SIAH1: variants seen among roughly 807,000 people sequenced by gnomAD.
SIAH1 encodes the protein E3 ubiquitin-protein ligase SIAH1.
SIAH1 carries 2 observed loss-of-function variants against 20.0 expected under a neutral mutation model. The ratio of observed to expected loss-of-function variants is 0.10; its 90% CI spans 0.04 to 0.31. The LOEUF (loss-of-function observed/expected upper bound fraction) is 0.31, where lower values mean the gene tolerates loss of function less well. Ranked by LOEUF, SIAH1 falls within the 10% of genes least tolerant of loss-of-function variation. The probability of loss-of-function intolerance (pLI) is 1.00; values close to 1 mark genes in which losing one functional copy is unlikely to be tolerated. For synonymous variants in SIAH1, 118 were observed against 125.3 expected, an observed-to-expected ratio of 0.94 and a Z score of 0.39; for missense variants, 119 against 355.3, an observed-to-expected ratio of 0.33 and a Z score of 5.35.
At chr16:48,377,273 C>CA (rs1010679532) in intron 1 of SIAH1, among the ~76,000 whole-genome samples, 64 of 150,514 alleles carry the variant, frequency 4.3e-4, no homozygotes, top group Admixed American at 2.4e-3. Flanking sequence ...CAAAACAAAA[C>CA]AAAAAAAACA....
chr16:48,386,721 T>C (rs1961475704), upstream of SIAH1, among the ~76,000 whole-genome samples: 1 of 152,156 alleles, frequency 6.6e-6, no homozygotes, highest in African/African-American at 2.4e-5. Flanking sequence ...AGTTTAGAGG[T>C]AAATTTTCCA....
chr16:48,381,901 A>C (rs1363483971), intron 1 of SIAH1, among the ~76,000 whole-genome samples: 1 of 152,180 alleles, frequency 6.6e-6, no homozygotes, highest in Non-Finnish European at 1.5e-5. Flanking sequence ...AATTGTAACA[A>C]ACGTACCACT....
intron 1 of SIAH1, among the ~76,000 whole-genome samples, chr16:48,380,406 T>A (rs1597033154): frequency 1.3e-5 from 2 of 151,614 alleles, no homozygotes; most frequent in Admixed American, 1.3e-4. Context: ...TTAGCTGAGT[T>A]GGCGCCACCG....
chr16:48,381,342 C>CA (rs1049271558), intron 1 of SIAH1, among the ~76,000 whole-genome samples: 57 of 152,070 alleles, frequency 3.7e-4, no homozygotes, highest in Non-Finnish European at 6.6e-4. Flanking sequence ...GAGACTGTCT[C>CA]AAAAAAACAG....
chr16:48,385,941 G>A (rs1244936670), upstream of SIAH1, among the ~76,000 whole-genome samples: 1 of 152,142 alleles, frequency 6.6e-6, no homozygotes. Context: ...CCCCTAAAGA[G>A]AGTCCCAGCC....
At chr16:48,378,268 G>A (rs1281464536) in intron 1 of SIAH1, among the ~76,000 whole-genome samples, 5 of 152,164 alleles carry the variant, frequency 3.3e-5, no homozygotes, top group African/African-American at 4.8e-5. Context: ...CAGGAGAATC[G>A]CTTGAACCCG....
Position 48,367,171 on chromosome 16 carries a change from C to A in SIAH1, c.-2-4741G>T, listed in dbSNP as rs1042754038. 2.0e-5 allele frequency among the ~76,000 whole-genome samples: 3 copies of A among 152,306 alleles called. No individual in the cohort carries two copies. The East Asian group carries it at 5.8e-4, about 29-fold the overall frequency. The stretch of plus-strand genomic sequence containing the variant: ...TGCCTTGGCCTCCCAAAGTGCTGAG[C>A]CACTGTGCCCAGTCTATATTTTTAT... On this transcript the variant is annotated intron_variant, in intron 1 of 1. Transcript: ENST00000394725.
chr16:48,373,517 T>C (rs1359969276), intron 1 of SIAH1, among the ~76,000 whole-genome samples: 1 of 152,170 alleles, frequency 6.6e-6, no homozygotes, highest in Non-Finnish European at 1.5e-5. Context: ...CCCTTCAAAA[T>C]GTATTCAGAA....
At position 48,361,476 on chromosome 16, in the gene SIAH1, G is replaced by C. The variant is rs760411925; in HGVS notation, c.*104C>G. ...CTTTTTATTTACCTTCATGTGTCTAGCTTCCACCTACCGAAAGAGTTTTAG... is the reference window on the plus strand; with the variant it reads ...CTTTTTATTTACCTTCATGTGTCTACCTTCCACCTACCGAAAGAGTTTTAG... On this transcript the variant is annotated 3_prime_UTR_variant, in exon 2 of 2. Coordinates refer to ENST00000394725, the MANE Select transcript of SIAH1 (RefSeq NM_003031.4). The C allele has an allele frequency of 5.3e-6, 6 of 1,127,042 alleles. No homozygotes were observed. Among genetic ancestry groups the C allele is most frequent in the Admixed American group, 1.8e-5 (1 of 56,750 alleles). 69.8% of individuals were successfully genotyped at this position (1,127,042 alleles called of 1,614,324 possible). A position where few individuals can be genotyped will look rare whatever the true frequency, so the allele number is the denominator to read the frequency against.
chr16:48,361,835 T>C lies in SIAH1; in HGVS notation c.594A>G (p.Lys198=), dbSNP rs1256429400. 1 of 1,614,198 alleles carries C rather than the reference T, an allele frequency of 6.2e-7. No individual in the cohort carries two copies. The highest frequency in any genetic ancestry group is 1.7e-5 in the Admixed American group (1 of 60,026). The part of the protein sequence containing the change: ...HFMLVLEKQE[K]YDGHQQFFAI... ...CGAAGAACTGCTGGTGACCATCGTA[T>C]TTTTCCTGTTTCTCTAAGACTAACA... Residue 198 remains lysine (K), a synonymous_variant, in exon 2 of 2, where the codon AAA becomes AAG. Transcript: ENST00000394725.
intron 1 of SIAH1, among the ~76,000 whole-genome samples, chr16:48,368,190 G>GAC (rs1960889360): frequency 6.6e-6 from 1 of 152,120 alleles, no homozygotes; most frequent in Non-Finnish European, 1.5e-5. Flanking sequence ...ATAGAACACA[G>GAC]ACGTGAGGGA....
chr16:48,365,589 T>C (rs755370865), intron 1 of SIAH1: 218 of 1,484,204 alleles, frequency 1.5e-4, no homozygotes, highest in Admixed American at 3.7e-4. Context: ...GAGGTCAGGA[T>C]CCAAATACCA....
At position 48,362,258 on chromosome 16, in the gene SIAH1, A is replaced by G; in HGVS notation, c.171T>C (p.Ser57=). 1 of 1,614,198 alleles carries G rather than the reference A, an allele frequency of 6.2e-7. No homozygotes were observed. The highest frequency in any genetic ancestry group is 1.1e-5 in the South Asian group (1 of 91,088). Residue 57 remains serine, a synonymous_variant, in exon 2 of 2, where the codon AGT becomes AGC. Transcript: ENST00000394725. This position sits in a 1 kb window ranked among gnomAD's most constrained non-coding sequence, Gnocchi z 4.2. ...GACAGTTGCTACAAACAAGATGGCC[A>G]CTCTGACATTGAAGAATGGGCGGTA... ...YVLPPILQCQ[S]GHLVCSNCRP... is the part of the protein sequence containing the mutation.
upstream of SIAH1, chr16:48,385,486 T>C (rs988134532): frequency 1.3e-5 from 2 of 150,394 alleles, no homozygotes; most frequent in African/African-American, 4.9e-5. Flanking sequence ...CCCCGCGCGC[T>C]GGGAGCCTGG....
chr16:48,366,201 G>A (rs1328011833), intron 1 of SIAH1, among the ~76,000 whole-genome samples: 3 of 152,124 alleles, frequency 2.0e-5, no homozygotes, highest in Non-Finnish European at 4.4e-5. Context: ...CAGAACAGTC[G>A]AATATCGGCA....
At chr16:48,369,465 T>C (rs1244105685) in intron 1 of SIAH1, among the ~76,000 whole-genome samples, 2 of 152,170 alleles carry the variant, frequency 1.3e-5, no homozygotes, top group Admixed American at 6.5e-5. Flanking sequence ...TACATGGAGT[T>C]TGGTGGCTCA....
chr16:48,362,300 G>A lies in SIAH1; in HGVS notation c.129C>T (p.Val43=), dbSNP rs899635154. 1.9e-6 allele frequency: 3 copies of A among 1,614,170 alleles called. No individual in the cohort carries two copies. Among genetic ancestry groups the A allele is most frequent in the Non-Finnish European group, 2.5e-6 (3 of 1,180,036 alleles). Residue 43 remains valine, a synonymous_variant, in exon 2 of 2, where the codon GTC becomes GTT. Transcript: ENST00000394725. This position sits in a 1 kb window ranked among gnomAD's most constrained non-coding sequence, Gnocchi z 4.2. ...TGGGCGGTAACACATAGTCAAAGCAGACTGGACACTCAAAAAGACTCGCCA... is the reference window on the plus strand; with the variant it reads ...TGGGCGGTAACACATAGTCAAAGCAAACTGGACACTCAAAAAGACTCGCCA... ...NDLASLFECP[V]CFDYVLPPIL...
chr16:48,362,544 C>A lies in SIAH1; in HGVS notation c.-2-114G>T. 3 of 1,032,160 alleles carry A rather than the reference C, an allele frequency of 2.9e-6. No homozygotes were observed. The highest frequency in any genetic ancestry group is 2.8e-6 in the Non-Finnish European group (2 of 708,206). The allele number at this position is 1,032,160 out of a possible 1,614,324, so 63.9% of individuals were successfully genotyped here. A position where few individuals can be genotyped will look rare whatever the true frequency, so the allele number is the denominator to read the frequency against. On this transcript the variant is annotated intron_variant, in intron 1 of 1. Coordinates refer to ENST00000394725, the MANE Select transcript of SIAH1 (RefSeq NM_003031.4). This position sits in a 1 kb window ranked among gnomAD's most constrained non-coding sequence, Gnocchi z 4.2. ...AAAGTTTCATACAAAATTTACTGAG[C>A]AAAAGAGGAAGAAAAATAGGATTAA...
intron 1 of SIAH1, among the ~76,000 whole-genome samples, chr16:48,377,484 G>A (rs972017893): frequency 3.3e-5 from 5 of 149,818 alleles, no homozygotes; most frequent in East Asian, 3.9e-4. Context: ...TACACCTCCC[G>A]GGTTAAGTGA....
Sources: gnomAD v4.1 joint callset for allele counts (sites outside exome capture counted in the v4.1 genomes callset) on GRCh38, gnomAD v4.1.1 for gene constraint, Gnocchi (gnomAD v3.1) non-coding constraint, MANE v1.5 for transcripts, NCBI Gene and HGNC (gene_info 2026-07-23, HGNC 2026-07-21) for gene names.